TBRG4: variants seen among roughly 807,000 people sequenced by gnomAD.
The protein encoded by TBRG4 is transforming growth factor beta regulator 4, also known as FAST kinase domain-containing protein 4.
A neutral mutation model predicts 65.6 loss-of-function variants in TBRG4; 43 were observed. The observed-to-expected ratio is 0.66, with a 90% CI of 0.51 to 0.85. The LOEUF (loss-of-function observed/expected upper bound fraction) is 0.85. Ranked by LOEUF, TBRG4 falls within the 40% of genes least tolerant of loss-of-function variation. The pLI, the probability that TBRG4 is intolerant of heterozygous loss-of-function variation, is 0.00. For missense variants in TBRG4, 709 were observed against 787.9 expected, an observed-to-expected ratio of 0.90 and a Z score of 1.20; for synonymous variants, 366 against 341.4, an observed-to-expected ratio of 1.07 and a Z score of -0.79.
At position 45,102,053 on chromosome 7, in the gene TBRG4, C is replaced by T. The variant is rs531691804; in HGVS notation, c.1339G>A (p.Asp447Asn). The change falls in exon 8 of 11, where the codon GAT becomes AAT. Residue 447 changes from aspartate to asparagine, a missense_variant. Transcript: ENST00000258770. ...IQFLGGKSQK[D>N]QNTFQKLLHI... ...AGCAGCTTCTGGAAGGTGTTCTGAT[C>T]CTTCTGAGACTTGCCCCCTAGGAGA... is the stretch of plus-strand genomic sequence containing the variant. The T allele has an allele frequency of 2.6e-6, 4 of 1,568,494 alleles. No individual in the cohort carries two copies. The African/African-American group carries it at 5.5e-5, about 22-fold the overall frequency.
At chr7:45,100,489 G>A in intron 10 of TBRG4, 63 bp from the exon 11 acceptor site, 2 of 1,293,064 alleles carry the variant, frequency 1.5e-6, no homozygotes, top group South Asian at 1.2e-5. Flanking sequence ...CAGTGGCTCT[G>A]CCTGCTTGCC....
chr7:45,109,535 G>C (rs1042138478), intron 1 of TBRG4, among the ~76,000 whole-genome samples: 1 of 151,886 alleles, frequency 6.6e-6, no homozygotes, highest in Non-Finnish European at 1.5e-5. Context: ...CATCCTGCTT[G>C]TAATTTGAAA....
intron 1 of TBRG4, 133 bp from the exon 2 acceptor site, chr7:45,109,420 T>A (rs1472339502): frequency 1.4e-6 from 1 of 720,224 alleles, no homozygotes; most frequent in East Asian, 3.1e-5. Context: ...CATAGGTATG[T>A]GATAGTATTT....
Position 45,108,980 on chromosome 7 carries a change from C to T in TBRG4, c.258G>A (p.Leu86=). ...IKKATRPEEL[L]ELLGGSHDLD... is the part of the protein sequence containing the mutation. The stretch of plus-strand genomic sequence containing the variant: ...AGTCGTGACTGCCACCAAGTAGCTC[C>T]AGGAGCTCCTCTGGCCTTGTGGCCT... The change falls in exon 2 of 11, where the codon CTG becomes CTA. Residue 86 remains leucine (L), a synonymous_variant. Transcript: ENST00000258770. The T allele has an allele frequency of 6.2e-7, 1 of 1,612,610 alleles. No homozygotes were observed. Among genetic ancestry groups the T allele is most frequent in the Non-Finnish European group, 8.5e-7 (1 of 1,179,310 alleles).
Position 45,100,376 on chromosome 7 carries a change from G to T in TBRG4, c.1845C>A (p.Ala615=), listed in dbSNP as rs1217371719. ...CTTTGCGCATCTTGTCCTTGAGGTA[G>T]GCGCCTTTCTGCCATTCAGACTTGA... ...LELKSEWQKG[A]YLKDKMRKAV... is the part of the protein sequence containing the mutation. Residue 615 remains alanine, a synonymous_variant, in exon 11 of 11, where the codon GCC becomes GCA. Coordinates refer to ENST00000258770, the MANE Select transcript of TBRG4 (RefSeq NM_004749.4). 6.2e-7 allele frequency: 1 copy of T among 1,614,202 alleles called. No homozygotes were observed. The highest frequency in any genetic ancestry group is 1.1e-5 in the South Asian group (1 of 91,082).
At chr7:45,104,323 C>G (rs1256843886) in intron 4 of TBRG4, 67 bp from the exon 5 acceptor site, 5 of 1,608,658 alleles carry the variant, frequency 3.1e-6, no homozygotes, top group Non-Finnish European at 4.2e-6. Context: ...AGCTCCACCC[C>G]ACCTCAGCCT....
rs753880413 is a variant in TBRG4 at position 45,109,248 on chromosome 7, G to A, written c.-11C>T. On this transcript the variant is annotated 5_prime_UTR_variant, in exon 2 of 11. Transcript: ENST00000258770. The stretch of plus-strand genomic sequence containing the variant: ...CAGGTGAGCTGCCATGATGTCCTGG[G>A]TGGCAGAGAGACAAGACTCCTAGCA... 34 of 1,562,880 alleles carry A rather than the reference G, an allele frequency of 2.2e-5. No individual in the cohort carries two copies. The East Asian group carries it at 7.2e-4, about 33-fold the overall frequency.
chr7:45,101,650 G>T, intron 8 of TBRG4, 36 bp from the exon 9 acceptor site: 1 of 1,605,502 alleles, frequency 6.2e-7, no homozygotes, highest in Non-Finnish European at 8.5e-7. Flanking sequence ...CATGTTGGGG[G>T]ACATCCCTCA....
chr7:45,109,288 C>T lies in TBRG4; in HGVS notation c.-50-1G>A. On this transcript the variant is annotated splice_acceptor_variant, in intron 1 of 10. Transcript: ENST00000258770. LOFTEE classifies it low-confidence loss of function (5UTR_SPLICE). ...GACTCCTAGCAAGTGATTCCAAACC[C>T]TGAAGAGAAAAAGGAGAGAGAAGGG... The T allele has an allele frequency of 1.3e-6, 2 of 1,518,438 alleles. No homozygotes were observed. The highest frequency in any genetic ancestry group is 1.8e-6 in the Non-Finnish European group (2 of 1,136,526). 94.1% of individuals were successfully genotyped at this position (1,518,438 alleles called of 1,614,324 possible).
intron 2 of TBRG4, among the ~76,000 whole-genome samples, chr7:45,108,511 T>C (rs1785025848): frequency 6.6e-6 from 1 of 152,146 alleles, no homozygotes; most frequent in Non-Finnish European, 1.5e-5. Context: ...CAGAGAGCAA[T>C]ACAAGTCAAG....
chr7:45,102,534 AG>A (rs35675817), intron 6 of TBRG4, 43 bp from the exon 7 acceptor site: 2 of 1,591,198 alleles, frequency 1.3e-6, no homozygotes, highest in Non-Finnish European at 8.5e-7. Flanking sequence ...GGCTCTCCTT[AG>A]GGGCTGCAAA....
In TBRG4 at chr7:45,111,629, G is replaced by C. The variant is rs115774480; in HGVS notation, c.-51+14C>G. On this transcript the variant is annotated intron_variant, in intron 1 of 10. Coordinates refer to ENST00000258770, the MANE Select transcript of TBRG4 (RefSeq NM_004749.4). ...ACGATCAGCCGCCCCTTCTCCCCGTGCCACAAGACCTACGCAGCGAGCACC... is the reference window on the plus strand; with the variant it reads ...ACGATCAGCCGCCCCTTCTCCCCGTCCCACAAGACCTACGCAGCGAGCACC... 1,743 of 1,289,440 alleles carry C rather than the reference G, an allele frequency of 1.4e-3. 22 individuals are homozygous for C. The African/African-American group carries it at 0.023, about 17-fold the overall frequency. The allele number at this position is 1,289,440 out of a possible 1,614,324, so 79.9% of individuals were successfully genotyped here.
intron 10 of TBRG4, 94 bp from the exon 11 acceptor site, chr7:45,100,520 C>T: frequency 1.0e-6 from 1 of 955,894 alleles, no homozygotes; most frequent in Admixed American, 2.0e-5. Flanking sequence ...ACATTGACCC[C>T]TCACCCAACA....
rs41280669 is a variant in TBRG4, at chr7:45,101,796, G to T, written c.1567+29C>A. ...TCCCGTTAGACTCAGGCAATGCCAG[G>T]CCCTGTGCCAACCAGGGGGAGCCCT... On this transcript the variant is annotated intron_variant, in intron 8 of 10. Transcript: ENST00000258770. 6.2e-3 allele frequency: 9,946 copies of T among 1,601,352 alleles called. 38 individuals carry two copies. Among genetic ancestry groups the T allele is most frequent in the Non-Finnish European group, 7.3e-3 (8,627 of 1,179,698 alleles).
intron 6 of TBRG4, chr7:45,103,068 A>G: frequency 1.9e-6 from 1 of 522,400 alleles, no homozygotes; most frequent in Non-Finnish European, 3.5e-6. Context: ...GGAGCTTCTG[A>G]GCATCAACAG....
rs953978691 is a variant in TBRG4 at position 45,100,232 on chromosome 7, T to G, written c.*93A>C. ...ACCCTCCCCACTCTGGCCAAGGTCC[T>G]GCACAGAGGTTTGTCCTCAAGGGTG... On this transcript the variant is annotated 3_prime_UTR_variant, in exon 11 of 11. Transcript: ENST00000258770. The G allele has an allele frequency of 1.1e-5, 12 of 1,045,394 alleles. No homozygotes were observed. Among genetic ancestry groups the G allele is most frequent in the Admixed American group, 2.2e-5 (1 of 45,614 alleles). The allele number at this position is 1,045,394 out of a possible 1,614,324, so 64.8% of individuals were successfully genotyped here.
chr7:45,109,413 A>G (rs1785060683), intron 1 of TBRG4, 126 bp from the exon 2 acceptor site: 2 of 800,898 alleles, frequency 2.5e-6, no homozygotes, highest in Non-Finnish European at 1.8e-6. Flanking sequence ...GACAATCCAT[A>G]GGTATGTGAT....
Position 45,105,427 on chromosome 7 carries a change from T to G in TBRG4, c.735+14A>C, listed in dbSNP as rs1784912923. 6.3e-7 allele frequency: 1 copy of G among 1,575,278 alleles called. No individual in the cohort carries two copies. ...GGAGGCAGGCTGGGTGCCACCTGCT[T>G]TCAGGCCCAGTACCTTGTCTTCCAG... is the stretch of plus-strand genomic sequence containing the variant. On this transcript the variant is annotated intron_variant, in intron 3 of 10. Transcript: ENST00000258770.
intron 1 of TBRG4, chr7:45,110,971 A>T (rs1186148214): frequency 6.6e-6 from 1 of 152,174 alleles, no homozygotes; most frequent in Non-Finnish European, 1.5e-5. Context: ...CACAGTGTAG[A>T]AATCTTTCCG....
Sources: allele counts gnomAD v4.1 joint callset (sites outside exome capture counted in the v4.1 genomes callset), GRCh38; gene constraint gnomAD v4.1.1; transcripts MANE v1.5; gene names NCBI Gene and HGNC (gene_info 2026-07-23, HGNC 2026-07-21).